Variants in CELF2 observed in about 807,000 individuals in gnomAD.
The protein encoded by CELF2 is CUGBP Elav-like family member 2.
CELF2 carries 8 observed loss-of-function variants against 62.6 expected under a neutral mutation model. That is an observed-to-expected ratio of 0.13 (90% CI 0.07 to 0.23). CELF2 has a LOEUF of 0.23. Ranked by LOEUF, CELF2 falls within the 10% of genes least tolerant of loss-of-function variation. The pLI, the probability that CELF2 is intolerant of heterozygous loss-of-function variation, is 1.00. For missense variants in CELF2, 333 were observed against 671.0 expected (o/e 0.50, Z 5.56); for synonymous variants, 258 against 250.0 (o/e 1.03, Z -0.30).
the CELF2 span, among the ~76,000 whole-genome samples, chr10:10,503,447 A>G: frequency 2.0e-5 from 3 of 151,974 alleles, no homozygotes; most frequent in Non-Finnish European, 4.4e-5. Flanking sequence ...TCTTCTTGGT[A>G]GATTGACCTT....
chr10:10,683,006 C>A, the CELF2 span, among the ~76,000 whole-genome samples: 1 of 152,162 alleles, frequency 6.6e-6, no homozygotes, highest in African/African-American at 2.4e-5. Context: ...CGCAGCAAGA[C>A]CCTGTGAAAA....
intron 2 of CELF2, among the ~76,000 whole-genome samples, chr10:10,977,184 G>A (rs1045984541): frequency 1.3e-5 from 2 of 152,166 alleles, no homozygotes; most frequent in Non-Finnish European, 2.9e-5. Flanking sequence ...AGAGCTCACG[G>A]ATTCTTCCTG....
chr10:11,196,817 C>T (rs553808364), intron 2 of CELF2, among the ~76,000 whole-genome samples: 18 of 151,300 alleles, frequency 1.2e-4, no homozygotes, highest in Admixed American at 3.3e-4. Flanking sequence ...ATTAGCCAGG[C>T]GTGGTGGCGC....
At chr10:11,026,295 T>C (rs541207422) in intron 1 of CELF2, among the ~76,000 whole-genome samples, 13 of 152,250 alleles carry the variant, frequency 8.5e-5, no homozygotes, top group African/African-American at 2.9e-4. Flanking sequence ...AACTGAACAC[T>C]TAAAAAAGGT....
chr10:10,815,549 C>G (rs1356242835), intron 1 of CELF2, among the ~76,000 whole-genome samples: 1 of 152,184 alleles, frequency 6.6e-6, no homozygotes, highest in Middle Eastern at 3.2e-3. Context: ...ATGTGGTTTT[C>G]CATTTATTGA....
intron 1 of CELF2, among the ~76,000 whole-genome samples, chr10:10,842,074 T>C (rs568507347): frequency 2.0e-5 from 3 of 152,080 alleles, no homozygotes; most frequent in African/African-American, 4.8e-5. Context: ...GTATTTTTCA[T>C]TTCAAATTGG....
In CELF2 at chr10:11,302,965, G is replaced by A. The variant is rs1476000829; in HGVS notation, c.977-11174G>A. On this transcript the variant is annotated intron_variant, in intron 9 of 12. Coordinates refer to ENST00000633077, the MANE Select transcript of CELF2 (RefSeq NM_001326342.2). The surrounding 1 kb of genome is among the most constrained non-coding windows in gnomAD (Gnocchi z 5.0). Reference sequence around the variant, plus strand: ...AGAGCTTTTCAATAGTTGGCTTTTTGGACCTTGTGGCCATCAAGCCTAGCC... The same window carrying A: ...AGAGCTTTTCAATAGTTGGCTTTTTAGACCTTGTGGCCATCAAGCCTAGCC... 2.6e-5 allele frequency among the ~76,000 whole-genome samples: 4 copies of A among 152,076 alleles called. No homozygotes were observed. Among genetic ancestry groups the A allele is most frequent in the Non-Finnish European group, 4.4e-5 (3 of 68,000 alleles).
the CELF2 span, among the ~76,000 whole-genome samples, chr10:10,554,146 G>C: frequency 2.0e-5 from 3 of 152,198 alleles, no homozygotes; most frequent in African/African-American, 7.2e-5. Context: ...GAGTGATAAG[G>C]GGGGAAAGTC....
intron 2 of CELF2, among the ~76,000 whole-genome samples, chr10:10,969,283 GC>G (rs1003073791): frequency 1.1e-4 from 16 of 152,184 alleles, no homozygotes; most frequent in African/African-American, 3.9e-4. Context: ...TGGGACTTGG[GC>G]AAACCCCAAA....
intron 1 of CELF2, among the ~76,000 whole-genome samples, chr10:11,103,595 C>T (rs75598946): frequency 0.036 from 5,350 of 150,186 alleles, 117 homozygotes; most frequent in Non-Finnish European, 0.045. Context: ...GTACCTTTCT[C>T]AGAAGGTCGT....
At position 11,302,683 on chromosome 10, in the gene CELF2, G is replaced by A. The variant is rs989969225; in HGVS notation, c.977-11456G>A. ...GTTGGGTGTACTTGGTGTGGCAGCTGCTGTGTATAGGTTTCCCCGGGAGAG... is the reference window on the plus strand; with the variant it reads ...GTTGGGTGTACTTGGTGTGGCAGCTACTGTGTATAGGTTTCCCCGGGAGAG... On this transcript the variant is annotated intron_variant, in intron 9 of 12. Transcript: ENST00000633077. The surrounding 1 kb of genome is among the most constrained non-coding windows in gnomAD (Gnocchi z 5.0). Among the ~76,000 whole-genome samples, 6 of 152,192 alleles carry A rather than the reference G, an allele frequency of 3.9e-5. 1 individual carries two copies. The highest frequency in any genetic ancestry group is 1.4e-4 in the African/African-American group (6 of 41,432).
chr10:10,480,747 A>G, the CELF2 span, among the ~76,000 whole-genome samples: 1 of 152,334 alleles, frequency 6.6e-6, no homozygotes, highest in African/African-American at 2.4e-5. Context: ...ACTAAAAACT[A>G]TATTATACAG....
chr10:10,571,125 C>T, the CELF2 span, among the ~76,000 whole-genome samples: 1 of 152,032 alleles, frequency 6.6e-6, no homozygotes, highest in Non-Finnish European at 1.5e-5. Flanking sequence ...CTTTCAGAAG[C>T]AAATGGCAGG....
the CELF2 span, among the ~76,000 whole-genome samples, chr10:10,511,480 G>A: frequency 6.6e-6 from 1 of 152,032 alleles, no homozygotes; most frequent in East Asian, 1.9e-4. Context: ...TTTATATATG[G>A]GTGTGTTTGG....
chr10:10,944,694 C>G (rs2047452721), intron 2 of CELF2, among the ~76,000 whole-genome samples: 1 of 152,052 alleles, frequency 6.6e-6, no homozygotes, highest in Non-Finnish European at 1.5e-5. Flanking sequence ...CTCCACCTCC[C>G]AGGTTCAAGC....
intron 1 of CELF2, among the ~76,000 whole-genome samples, chr10:11,040,310 C>G (rs1032334318): frequency 6.6e-6 from 1 of 152,158 alleles, no homozygotes; most frequent in Non-Finnish European, 1.5e-5. Flanking sequence ...AAAATAGGGT[C>G]TCTGTTTCGA....
At chr10:10,596,901 C>T in the CELF2 span, among the ~76,000 whole-genome samples, 1 of 152,212 alleles carries the variant, frequency 6.6e-6, no homozygotes, top group African/African-American at 2.4e-5. Flanking sequence ...ACTCCCACTT[C>T]TCCTCAGACT....
chr10:10,703,757 C>T, the CELF2 span, among the ~76,000 whole-genome samples: 1 of 152,096 alleles, frequency 6.6e-6, no homozygotes, highest in African/African-American at 2.4e-5. Context: ...CCAACATTAC[C>T]CCTGAGTATG....
At chr10:10,547,878 C>T in the CELF2 span, among the ~76,000 whole-genome samples, 2 of 152,260 alleles carry the variant, frequency 1.3e-5, no homozygotes, top group Non-Finnish European at 2.9e-5. Flanking sequence ...ATCCTACCTT[C>T]TGAGAGTGAA....
Sources: allele counts gnomAD v4.1 joint callset (sites outside exome capture counted in the v4.1 genomes callset), GRCh38; gene constraint gnomAD v4.1.1; non-coding constraint Gnocchi (gnomAD v3.1); transcripts MANE v1.5; gene names NCBI Gene and HGNC (gene_info 2026-07-23, HGNC 2026-07-21).